Variants in B3GAT2 observed in about 807,000 individuals in gnomAD.
The protein encoded by B3GAT2 is beta-1,3-glucuronyltransferase 2.
Under a neutral mutation model 27.8 loss-of-function variants are expected in B3GAT2, and 26 were observed. That is an observed-to-expected ratio of 0.93 (90% CI 0.68 to 1.30). The LOEUF (loss-of-function observed/expected upper bound fraction) is 1.30. B3GAT2 is among the 50% of genes most tolerant of loss of function. The pLI, the probability that B3GAT2 is intolerant of heterozygous loss-of-function variation, is 0.00. For missense variants in B3GAT2, 458 were observed against 459.0 expected (o/e 1.00, Z 0.02); for synonymous variants, 218 against 195.1 (o/e 1.12, Z -0.98).
At chr6:70,903,110 T>C (rs531323620) in intron 1 of B3GAT2, among the ~76,000 whole-genome samples, 3 of 152,028 alleles carry the variant, frequency 2.0e-5, no homozygotes, top group Middle Eastern at 3.4e-3. Flanking sequence ...CATCATGTTA[T>C]ACAATATAAA....
intron 2 of B3GAT2, among the ~76,000 whole-genome samples, chr6:70,875,887 C>A (rs75587035): frequency 0.023 from 3,517 of 152,268 alleles, 74 homozygotes; most frequent in South Asian, 0.11. Flanking sequence ...TCTGAAAAAA[C>A]CATCATAGAA....
intron 2 of B3GAT2, among the ~76,000 whole-genome samples, chr6:70,887,050 T>C (rs1383795970): frequency 6.6e-6 from 1 of 152,208 alleles, no homozygotes; most frequent in Non-Finnish European, 1.5e-5. Context: ...TCAGTAACTT[T>C]ATAGTTCTCA....
chr6:70,955,820 G>C lies in B3GAT2; in HGVS notation c.591+19C>G. 6.4e-7 allele frequency: 1 copy of C among 1,572,466 alleles called. No homozygotes were observed. The highest frequency in any genetic ancestry group is 8.6e-7 in the Non-Finnish European group (1 of 1,161,118). On this transcript the variant is annotated intron_variant, in intron 1 of 3. Transcript: ENST00000230053. ...CCACTCCCGCCCTCGCCCACCCAGC[G>C]GGGCAGGCTGGCCTTTACCTCCTGG...
chr6:70,915,685 T>C (rs1051842848), intron 1 of B3GAT2, among the ~76,000 whole-genome samples: 5 of 152,236 alleles, frequency 3.3e-5, no homozygotes, highest in Non-Finnish European at 7.3e-5. Flanking sequence ...TTTGTTTTTG[T>C]CAGGTTTGTC....
intron 1 of B3GAT2, among the ~76,000 whole-genome samples, chr6:70,936,825 A>C (rs1040718568): frequency 1.3e-5 from 2 of 152,328 alleles, no homozygotes; most frequent in Non-Finnish European, 2.9e-5. Context: ...TTGACACCCT[A>C]ACATCACAAT....
At chr6:70,896,136 T>C (rs951786355) in intron 1 of B3GAT2, among the ~76,000 whole-genome samples, 1 of 152,164 alleles carries the variant, frequency 6.6e-6, no homozygotes, top group Non-Finnish European at 1.5e-5. Context: ...CTGGGTATAA[T>C]CATTGTACGC....
chr6:70,875,017 AC>A (rs1232528677), intron 2 of B3GAT2, among the ~76,000 whole-genome samples: 2 of 151,854 alleles, frequency 1.3e-5, no homozygotes, highest in Non-Finnish European at 2.9e-5. Context: ...AAAAAAAAAA[AC>A]AAAACTCCCC....
chr6:70,902,617 G>GATATATATATATATATAT lies in B3GAT2; in HGVS notation c.592-8363_592-8346dup, dbSNP rs61150776. Among the ~76,000 whole-genome samples the GATATATATATATATATAT allele has an allele frequency of 4.2e-4, 53 of 125,260 alleles. No individual in the cohort carries two copies. In the East Asian group the frequency reaches 9.5e-3, roughly 22 times the overall value. The allele number at this position is 125,260 out of a possible 152,430, so 82.2% of individuals were successfully genotyped here. A position where few individuals can be genotyped will look rare whatever the true frequency, so the allele number is the denominator to read the frequency against. ...ACAGATGAATGGATTAAGAAAATGG[G>GATATATATATATATATAT]ATATATATATATATATATATACACA... On this transcript the variant is annotated intron_variant, in intron 1 of 3. Coordinates refer to ENST00000230053, the MANE Select transcript of B3GAT2 (RefSeq NM_080742.3).
chr6:70,891,880 G>A (rs1772294617), intron 2 of B3GAT2, among the ~76,000 whole-genome samples: 1 of 151,882 alleles, frequency 6.6e-6, no homozygotes, highest in African/African-American at 2.4e-5. Flanking sequence ...AATTGTATGT[G>A]GAATCTAAAC....
intron 2 of B3GAT2, among the ~76,000 whole-genome samples, chr6:70,864,143 A>G (rs891233286): frequency 6.8e-6 from 1 of 146,196 alleles, no homozygotes; most frequent in Non-Finnish European, 1.5e-5. Context: ...CATTCTTCAC[A>G]TGGCTTCAGG....
chr6:70,857,756 G>A lies in B3GAT2; in HGVS notation c.*3907C>T. 1 of 632,780 alleles carries A rather than the reference G, an allele frequency of 1.6e-6. No individual in the cohort carries two copies. The highest frequency in any genetic ancestry group is 3.0e-5 in the Admixed American group (1 of 33,524). 39.2% of individuals were successfully genotyped at this position (632,780 alleles called of 1,614,324 possible). ...TTTGTCTGCATCCTAGAAACAACCA[G>A]CTCTCAGGGTTTAGGTGTGGGTTGG... On this transcript the variant is annotated 3_prime_UTR_variant, in exon 4 of 4. Coordinates refer to ENST00000230053, the MANE Select transcript of B3GAT2 (RefSeq NM_080742.3).
chr6:70,944,565 G>A (rs2150050713), intron 1 of B3GAT2, among the ~76,000 whole-genome samples: 1 of 152,306 alleles, frequency 6.6e-6, no homozygotes, highest in African/African-American at 2.4e-5. Context: ...CAAAGCAGCT[G>A]GGAAGCTCCA....
At position 70,926,424 on chromosome 6, in the gene B3GAT2, T is replaced by A. The variant is rs543776264; in HGVS notation, c.591+29415A>T. 2.6e-4 allele frequency among the ~76,000 whole-genome samples: 39 copies of A among 152,218 alleles called. No homozygotes were observed. The East Asian group carries it at 7.5e-3, about 29-fold the overall frequency. ...ACCCATCTCAAAGAAGCTAAAAACC[T>A]GGAAAAACGATTAGACAAATGGCTA... On this transcript the variant is annotated intron_variant, in intron 1 of 3. Coordinates refer to ENST00000230053, the MANE Select transcript of B3GAT2 (RefSeq NM_080742.3).
intron 1 of B3GAT2, among the ~76,000 whole-genome samples, chr6:70,916,339 T>C (rs777473758): frequency 6.6e-6 from 1 of 152,226 alleles, no homozygotes; most frequent in Non-Finnish European, 1.5e-5. Flanking sequence ...AATCATGTCA[T>C]CTACAAACAG....
chr6:70,947,602 C>A (rs1765513077), intron 1 of B3GAT2, among the ~76,000 whole-genome samples: 1 of 151,208 alleles, frequency 6.6e-6, no homozygotes. Context: ...GCTTACCAAC[C>A]AAAAAGAGTC....
At chr6:70,929,515 A>T (rs1317670861) in intron 1 of B3GAT2, among the ~76,000 whole-genome samples, 2 of 152,210 alleles carry the variant, frequency 1.3e-5, no homozygotes, top group African/African-American at 4.8e-5. Context: ...AGGATACAAA[A>T]TCAATGTGCA....
intron 1 of B3GAT2, among the ~76,000 whole-genome samples, chr6:70,912,761 T>C (rs1223354377): frequency 6.6e-6 from 1 of 152,282 alleles, no homozygotes; most frequent in South Asian, 2.1e-4. Context: ...AGCTCTTCTT[T>C]ATACATCTGG....
intron 2 of B3GAT2, among the ~76,000 whole-genome samples, chr6:70,865,014 G>A (rs1771826735): frequency 6.6e-6 from 1 of 152,110 alleles, no homozygotes; most frequent in Non-Finnish European, 1.5e-5. Flanking sequence ...GAGCTAGGTG[G>A]GGAGGATACA....
At chr6:70,915,072 T>C (rs981125056) in intron 1 of B3GAT2, among the ~76,000 whole-genome samples, 5 of 152,192 alleles carry the variant, frequency 3.3e-5, no homozygotes, top group African/African-American at 1.2e-4. Flanking sequence ...CATCTGTGGT[T>C]TCCTGGCTTT....
Sources: gnomAD v4.1 joint callset for allele counts (sites outside exome capture counted in the v4.1 genomes callset) on GRCh38, gnomAD v4.1.1 for gene constraint, MANE v1.5 for transcripts, NCBI Gene and HGNC (gene_info 2026-07-23, HGNC 2026-07-21) for gene names.